Variants in EPAS1 observed in about 807,000 individuals in gnomAD.
EPAS1 encodes endothelial PAS domain protein 1.
EPAS1 carries 23 observed loss-of-function variants against 87.9 expected under a neutral mutation model. That is an observed-to-expected ratio of 0.26 (90% confidence interval 0.19 to 0.37). The LOEUF is 0.37. Among genes scored for constraint, EPAS1 ranks in the 10% least tolerant of loss-of-function variants. The pLI is 1.00. For missense variants in EPAS1, 1,138 were observed against 1,120.7 expected, an observed-to-expected ratio of 1.02 and a Z score of -0.22; for synonymous variants, 508 against 444.3, an observed-to-expected ratio of 1.14 and a Z score of -1.80.
chr2:46,341,080 A>C lies in EPAS1; in HGVS notation c.27-5793A>C, dbSNP rs111878741. ...TCCTCCCTTTGTGATAGATTCCCCT[A>C]CTGATCCCTGCAGCCTTTGGACATC... On this transcript the variant is annotated intron_variant, in intron 1 of 15. Coordinates refer to ENST00000263734, the MANE Select transcript of EPAS1 (RefSeq NM_001430.5). Among the ~76,000 whole-genome samples, 196 of 152,152 alleles carry C rather than the reference A, an allele frequency of 1.3e-3. 1 individual carries two copies. Among genetic ancestry groups the C allele is most frequent in the African/African-American group, 4.2e-3 (175 of 41,482 alleles).
At chr2:46,339,273 A>G (rs1683858723) in intron 1 of EPAS1, among the ~76,000 whole-genome samples, 1 of 152,230 alleles carries the variant, frequency 6.6e-6, no homozygotes, top group Non-Finnish European at 1.5e-5. Context: ...TATACTAAAT[A>G]TGCATTACCC....
At chr2:46,308,889 C>T (rs893580566) in intron 1 of EPAS1, among the ~76,000 whole-genome samples, 2 of 152,216 alleles carry the variant, frequency 1.3e-5, no homozygotes, top group Non-Finnish European at 2.9e-5. Flanking sequence ...TTGGTTACCC[C>T]TGTGTTTATA....
At position 46,321,756 on chromosome 2, in the gene EPAS1, G is replaced by A. The variant is rs527990575; in HGVS notation, c.26+23819G>A. Among the ~76,000 whole-genome samples the A allele has an allele frequency of 3.3e-4, 50 of 151,126 alleles. 2 individuals carry two copies. The South Asian group carries it at 9.9e-3, about 30-fold the overall frequency. The stretch of plus-strand genomic sequence containing the variant: ...ACTGCCCCATTGTTTACACCTGTGA[G>A]GCAAACAAAGACTATCAACATAATG... On this transcript the variant is annotated intron_variant, in intron 1 of 15. Coordinates refer to ENST00000263734, the MANE Select transcript of EPAS1 (RefSeq NM_001430.5).
At chr2:46,366,907 C>T (rs923760732) in intron 6 of EPAS1, among the ~76,000 whole-genome samples, 1 of 152,232 alleles carries the variant, frequency 6.6e-6, no homozygotes, top group Non-Finnish European at 1.5e-5. Flanking sequence ...CGTGCCTGCA[C>T]GTGGGGGCGA....
intron 1 of EPAS1, among the ~76,000 whole-genome samples, chr2:46,305,289 T>C (rs145292860): frequency 2.3e-4 from 35 of 152,340 alleles, no homozygotes; most frequent in African/African-American, 8.2e-4. Context: ...TGGACAAGAA[T>C]GTTATCCACT....
chr2:46,373,544 A>G (rs1446932210), intron 7 of EPAS1, among the ~76,000 whole-genome samples: 1 of 152,214 alleles, frequency 6.6e-6, no homozygotes, highest in Non-Finnish European at 1.5e-5. Flanking sequence ...ACTCCTATAC[A>G]ATTCCACTTA....
intron 14 of EPAS1, 59 bp downstream of exon 14, chr2:46,382,148 G>A (rs1415803805): frequency 1.6e-5 from 24 of 1,494,584 alleles, no homozygotes; most frequent in Admixed American, 1.1e-4. Flanking sequence ...ACTGGGGCTC[G>A]GGAGCCCATC....
rs764477794 is a variant in EPAS1, at chr2:46,297,944, G to T, written c.26+7G>T. ...CTGACAAGGAGAAGAAAAGGTAAGC[G>T]GGCGTCCGGGCCGATCAGGGGGCCG... is the stretch of plus-strand genomic sequence containing the variant. On this transcript the variant is annotated splice_region_variant and intron_variant, in intron 1 of 15. Transcript: ENST00000263734. The T allele has an allele frequency of 1.2e-6, 2 of 1,612,156 alleles. No individual in the cohort carries two copies. Among genetic ancestry groups the T allele is most frequent in the East Asian group, 2.2e-5 (1 of 44,794 alleles).
chr2:46,362,429 A>T (rs997824378), intron 6 of EPAS1, among the ~76,000 whole-genome samples: 11 of 152,158 alleles, frequency 7.2e-5, no homozygotes, highest in Non-Finnish European at 4.4e-5. Flanking sequence ...ATCTTCCACT[A>T]AACTCAAGGA....
chr2:46,364,925 G>C (rs953575188), intron 6 of EPAS1, among the ~76,000 whole-genome samples: 5 of 152,212 alleles, frequency 3.3e-5, no homozygotes, highest in African/African-American at 7.2e-5. Context: ...CAGGAGTTGA[G>C]AGTTTGAGAC....
chr2:46,377,281 G>A (rs1168100313), intron 9 of EPAS1, among the ~76,000 whole-genome samples: 2 of 152,370 alleles, frequency 1.3e-5, no homozygotes, highest in South Asian at 4.1e-4. Context: ...CCCTGGGGAT[G>A]TAAGTCACTG....
At chr2:46,374,044 G>A (rs1035172352) in intron 7 of EPAS1, among the ~76,000 whole-genome samples, 3 of 152,194 alleles carry the variant, frequency 2.0e-5, no homozygotes, top group Admixed American at 1.3e-4. Context: ...TTGCAGAAAC[G>A]AATTCATCTT....
rs756495553 is a variant in EPAS1, at chr2:46,380,494, T to A, written c.1822T>A (p.Phe608Ile). ...CGAGCACCGGCCCATGTCCTCCATC[T>A]TCTTTGATGCCGGAAGCAAAGCATC... ...EPEHRPMSSIFFDAGSKASLP... is the reference protein window; with the variant it reads ...EPEHRPMSSIIFDAGSKASLP... The change falls in exon 12 of 16, where the codon TTC becomes ATC. Residue 608 changes from phenylalanine (F) to isoleucine (I), a missense_variant. This residue lies in a region of EPAS1 where 502 missense variants were observed against 427.1 expected (regional missense o/e 1.18). Transcript: ENST00000263734. This position sits in a 1 kb window ranked among gnomAD's most constrained non-coding sequence, Gnocchi z 4.4. 33 of 1,614,080 alleles carry A rather than the reference T, an allele frequency of 2.0e-5. No homozygotes were observed. Among genetic ancestry groups the A allele is most frequent in the Middle Eastern group, 3.3e-4 (2 of 6,084 alleles).
rs115080459 is a variant in EPAS1, at chr2:46,375,309, C to T, written c.887-381C>T. On this transcript the variant is annotated intron_variant, in intron 7 of 15. Transcript: ENST00000263734. This position sits in a 1 kb window ranked among gnomAD's most constrained non-coding sequence, Gnocchi z 4.1. ...TACCCAGTGTGAAGGGGCTTCTTCT[C>T]ATTGAACCCCATGAAGAAAGTAAGG... is the stretch of plus-strand genomic sequence containing the variant. Among the ~76,000 whole-genome samples the T allele has an allele frequency of 1.0e-3, 154 of 152,080 alleles. No homozygotes were observed. Among genetic ancestry groups the T allele is most frequent in the African/African-American group, 3.5e-3 (144 of 41,504 alleles).
intron 1 of EPAS1, among the ~76,000 whole-genome samples, chr2:46,318,602 T>G (rs940161007): frequency 1.3e-5 from 2 of 152,244 alleles, no homozygotes; most frequent in African/African-American, 4.8e-5. Context: ...ATTGTTTTTG[T>G]GTTGCTGAGA....
intron 1 of EPAS1, among the ~76,000 whole-genome samples, chr2:46,323,567 C>T (rs960573554): frequency 6.6e-6 from 1 of 152,160 alleles, no homozygotes; most frequent in African/African-American, 2.4e-5. Flanking sequence ...AGGTAGGGAA[C>T]AGTAACCCTG....
At chr2:46,331,490 TCTGA>T (rs1683672046) in intron 1 of EPAS1, among the ~76,000 whole-genome samples, 1 of 152,222 alleles carries the variant, frequency 6.6e-6, no homozygotes, top group South Asian at 2.1e-4. Context: ...CTTTTAGAAC[TCTGA>T]CTGCTTTAGA....
At chr2:46,337,837 G>A (rs914053354) in intron 1 of EPAS1, among the ~76,000 whole-genome samples, 3 of 152,150 alleles carry the variant, frequency 2.0e-5, no homozygotes, top group Non-Finnish European at 4.4e-5. Context: ...TGTAGACTCC[G>A]CAAGCAAAGC....
intron 4 of EPAS1, 114 bp downstream of exon 4, chr2:46,356,922 G>A: frequency 1.3e-6 from 1 of 778,330 alleles, no homozygotes. Flanking sequence ...AGGAAAAATG[G>A]ATGTCCTTAA....
Sources: allele counts gnomAD v4.1 joint callset (sites outside exome capture counted in the v4.1 genomes callset), GRCh38; gene constraint gnomAD v4.1.1; regional missense constraint gnomAD v4.1.1; non-coding constraint Gnocchi (gnomAD v3.1); transcripts MANE v1.5; gene names NCBI Gene and HGNC (gene_info 2026-07-23, HGNC 2026-07-21).